Variants in PSD3 observed in about 807,000 individuals in gnomAD.
PSD3 encodes the protein PH and SEC7 domain-containing protein 3.
PSD3 carries 49 observed loss-of-function variants against 105.5 expected under a neutral mutation model. The observed-to-expected ratio is 0.46, with a 90% CI of 0.37 to 0.59. The LOEUF (loss-of-function observed/expected upper bound fraction) is 0.59, where lower values mean the gene tolerates loss of function less well. Ranked by LOEUF, PSD3 falls within the 20% of genes least tolerant of loss-of-function variation. PSD3 has a pLI of 0.00. For synonymous variants in PSD3, 557 were observed against 457.8 expected, an observed-to-expected ratio of 1.22 and a Z score of -2.77; for missense variants, 1,561 against 1,263.8, an observed-to-expected ratio of 1.24 and a Z score of -3.57.
At chr8:18,753,471 G>C (rs1805770433) in intron 9 of PSD3, among the ~76,000 whole-genome samples, 3 of 152,116 alleles carry the variant, frequency 2.0e-5, no homozygotes, top group African/African-American at 7.2e-5. Context: ...TTCCTTGCAA[G>C]ATCTGGATAA....
intron 1 of PSD3, among the ~76,000 whole-genome samples, chr8:18,989,792 C>G (rs2129473417): frequency 6.6e-6 from 1 of 152,272 alleles, no homozygotes; most frequent in Middle Eastern, 3.4e-3. Flanking sequence ...CTGACATATG[C>G]CCAACCAAGT....
chr8:19,061,345 A>C (rs1828888430), intron 1 of PSD3, among the ~76,000 whole-genome samples: 1 of 152,184 alleles, frequency 6.6e-6, no homozygotes, highest in South Asian at 2.1e-4. Flanking sequence ...GGATATAGTG[A>C]AAAATTTAAT....
intron 9 of PSD3, chr8:18,763,168 A>C (rs940121002): frequency 1.2e-5 from 5 of 409,320 alleles, no homozygotes; most frequent in African/African-American, 8.2e-5. Flanking sequence ...GAACCAAATT[A>C]ATCTAAAAGT....
At chr8:19,051,434 T>C (rs1225765042) in intron 1 of PSD3, among the ~76,000 whole-genome samples, 1 of 152,238 alleles carries the variant, frequency 6.6e-6, no homozygotes, top group Non-Finnish European at 1.5e-5. Context: ...ATAAACTCCA[T>C]GAATGCAGTT....
At chr8:18,771,929 C>G (rs1807577806) in intron 8 of PSD3, among the ~76,000 whole-genome samples, 3 of 152,202 alleles carry the variant, frequency 2.0e-5, no homozygotes. Flanking sequence ...GTTCTACTTT[C>G]TGTTTATATG....
chr8:18,559,976 T>C (rs1331755898), intron 14 of PSD3, among the ~76,000 whole-genome samples: 4 of 152,152 alleles, frequency 2.6e-5, no homozygotes, highest in East Asian at 1.9e-4. Flanking sequence ...CAATGAGAAA[T>C]GCTTCACTAC....
At chr8:18,564,031 C>G (rs1298849974) in intron 14 of PSD3, among the ~76,000 whole-genome samples, 1 of 152,002 alleles carries the variant, frequency 6.6e-6, no homozygotes, top group Non-Finnish European at 1.5e-5. Context: ...GCATGTCTAA[C>G]AGTGCTGAAC....
chr8:18,799,237 T>G, intron 8 of PSD3, 58 bp downstream of exon 8: 6 of 1,438,606 alleles, frequency 4.2e-6, no homozygotes, highest in Non-Finnish European at 5.9e-6. Context: ...TGTTTGAACA[T>G]AAAAGCAGAG....
At position 18,572,512 on chromosome 8, in the gene PSD3, C is replaced by G. The variant is rs369578285; in HGVS notation, c.2784+16G>C. Reference sequence around the variant, plus strand: ...AGTACTTTTTCCCAAGGTCAAAGCACTATCAAGATGATTACCTGAGACAGT... The same window carrying G: ...AGTACTTTTTCCCAAGGTCAAAGCAGTATCAAGATGATTACCTGAGACAGT... On this transcript the variant is annotated intron_variant, in intron 14 of 15. Transcript: ENST00000327040. The G allele has an allele frequency of 2.9e-5, 47 of 1,612,222 alleles. No individual in the cohort carries two copies. Among genetic ancestry groups the G allele is most frequent in the Admixed American group, 3.3e-5 (2 of 59,836 alleles).
chr8:18,804,409 A>G (rs993642622), intron 6 of PSD3, 113 bp downstream of exon 6: 2 of 863,870 alleles, frequency 2.3e-6, no homozygotes, highest in African/African-American at 4.7e-5. Context: ...TACTCCACCT[A>G]TACATGGAGG....
intron 9 of PSD3, among the ~76,000 whole-genome samples, chr8:18,709,975 G>C (rs1321655035): frequency 6.6e-6 from 1 of 152,228 alleles, no homozygotes; most frequent in African/African-American, 2.4e-5. Flanking sequence ...CAAGGGCACA[G>C]AACTGGACTG....
chr8:18,841,467 A>AACACACACACACACACACAC (rs35771611), intron 4 of PSD3, among the ~76,000 whole-genome samples: 1 of 148,142 alleles, frequency 6.8e-6, no homozygotes, highest in African/African-American at 2.5e-5. Flanking sequence ...CTGCTATTTA[A>AACACACACACACACACACAC]ACACACACAC....
intron 2 of PSD3, among the ~76,000 whole-genome samples, chr8:18,889,080 G>A (rs375826111): frequency 2.6e-5 from 4 of 151,560 alleles, no homozygotes; most frequent in African/African-American, 9.7e-5. Flanking sequence ...ATAGCATATC[G>A]CATTAGGCTT....
intron 1 of PSD3, among the ~76,000 whole-genome samples, chr8:18,943,452 C>T (rs1445588517): frequency 6.6e-6 from 1 of 152,042 alleles, no homozygotes; most frequent in Non-Finnish European, 1.5e-5. Flanking sequence ...AGAAAAATGA[C>T]ATTTTTGAAG....
chr8:18,973,150 G>C (rs559375968), intron 1 of PSD3, among the ~76,000 whole-genome samples: 1 of 152,140 alleles, frequency 6.6e-6, no homozygotes, highest in African/African-American at 2.4e-5. Flanking sequence ...GGGGTTCTGA[G>C]TTCATCTCCA....
At chr8:18,623,490 A>T (rs2130724809) in intron 11 of PSD3, among the ~76,000 whole-genome samples, 1 of 149,310 alleles carries the variant, frequency 6.7e-6, no homozygotes, top group East Asian at 2.0e-4. Context: ...AAAAAAAAAA[A>T]TTAGCTGGGC....
chr8:18,578,793 T>C (rs980338786), intron 12 of PSD3, among the ~76,000 whole-genome samples: 3 of 151,952 alleles, frequency 2.0e-5, no homozygotes, highest in African/African-American at 7.2e-5. Context: ...CTAACAGTAA[T>C]TGTCACCTTG....
intron 1 of PSD3, among the ~76,000 whole-genome samples, chr8:19,022,168 C>T (rs1827384755): frequency 1.3e-5 from 2 of 152,242 alleles, no homozygotes; most frequent in Non-Finnish European, 2.9e-5. Context: ...CACTTATCAC[C>T]AGGAGGATAG....
intron 1 of PSD3, among the ~76,000 whole-genome samples, chr8:19,024,306 T>G (rs1379329166): frequency 6.6e-6 from 1 of 152,164 alleles, no homozygotes; most frequent in Non-Finnish European, 1.5e-5. Context: ...GTTTTTAGAT[T>G]GTAAAAGTAC....
Sources: gnomAD v4.1 joint callset for allele counts (sites outside exome capture counted in the v4.1 genomes callset) on GRCh38, gnomAD v4.1.1 for gene constraint, MANE v1.5 for transcripts, NCBI Gene and HGNC (gene_info 2026-07-23, HGNC 2026-07-21) for gene names.